The following KLF12 variants were observed in gnomAD, a reference collection of about 807,000 sequenced individuals.
KLF12 encodes the protein Krueppel-like factor 12.
In KLF12, 9 loss-of-function variants were observed where a neutral mutation model predicts 37.8. That is an observed-to-expected ratio of 0.24 (90% confidence interval 0.14 to 0.42). The LOEUF (loss-of-function observed/expected upper bound fraction) is 0.42. Among genes scored for constraint, KLF12 ranks in the 10% least tolerant of loss-of-function variants. The pLI is 1.00. For synonymous variants in KLF12, 208 were observed against 202.1 expected (o/e 1.03, Z -0.25); for missense variants, 411 against 516.0 (o/e 0.80, Z 1.97).
the KLF12 span, among the ~76,000 whole-genome samples, chr13:74,221,956 C>T: frequency 1.3e-5 from 2 of 152,180 alleles, no homozygotes; most frequent in Admixed American, 1.3e-4. Flanking sequence ...GGCAATTTAT[C>T]TTTGCTCAAT....
intron 5 of KLF12, among the ~76,000 whole-genome samples, chr13:73,766,289 C>T (rs1230367260): frequency 6.6e-6 from 1 of 152,112 alleles, no homozygotes; most frequent in Non-Finnish European, 1.5e-5. Context: ...ACAAGGATCA[C>T]CTGTTGGTCT....
intron 1 of KLF12, among the ~76,000 whole-genome samples, chr13:74,092,057 AGGCG>A (rs1277504025): frequency 7.2e-5 from 11 of 151,782 alleles, no homozygotes; most frequent in Non-Finnish European, 1.5e-4. Flanking sequence ...TGGGAGGCTG[AGGCG>A]GGCAGATCAC....
At chr13:73,769,677 T>C (rs1880145922) in intron 5 of KLF12, among the ~76,000 whole-genome samples, 1 of 152,162 alleles carries the variant, frequency 6.6e-6, no homozygotes, top group Non-Finnish European at 1.5e-5. Flanking sequence ...GGTTTCTTAA[T>C]ATCAACCTTT....
chr13:74,100,889 G>A (rs1876302297), intron 1 of KLF12, among the ~76,000 whole-genome samples: 1 of 152,044 alleles, frequency 6.6e-6, no homozygotes, highest in Non-Finnish European at 1.5e-5. Context: ...CCATGGAGGG[G>A]ATCTCTCTGA....
intron 3 of KLF12, among the ~76,000 whole-genome samples, chr13:73,943,435 T>C (rs753568059): frequency 6.6e-6 from 1 of 152,244 alleles, no homozygotes; most frequent in Non-Finnish European, 1.5e-5. Flanking sequence ...AATGAATTCA[T>C]TGGTTTGGCT....
chr13:74,162,806 T>C, the KLF12 span, among the ~76,000 whole-genome samples: 5 of 152,126 alleles, frequency 3.3e-5, no homozygotes, highest in African/African-American at 1.2e-4. Flanking sequence ...CAGCCGGAGA[T>C]ATGGAATAAA....
rs564888799 is a variant in KLF12, at chr13:74,064,715, G to A, written c.-32+69024C>T. Among the ~76,000 whole-genome samples, 6 of 152,220 alleles carry A rather than the reference G, an allele frequency of 3.9e-5. No homozygotes were observed. In the South Asian group the frequency reaches 1.2e-3, roughly 32 times the overall value. On this transcript the variant is annotated intron_variant, in intron 1 of 7. Transcript: ENST00000377669. ...AATAATTCACAGAGGAATGAAATAGGCTGAGTAGTTTGTGATGCTGACTGT... is the reference window on the plus strand; with the variant it reads ...AATAATTCACAGAGGAATGAAATAGACTGAGTAGTTTGTGATGCTGACTGT...
chr13:74,116,080 TATAG>T (rs1225899917), intron 1 of KLF12, among the ~76,000 whole-genome samples: 1 of 152,130 alleles, frequency 6.6e-6, no homozygotes, highest in African/African-American at 2.4e-5. Flanking sequence ...GAAATAAACT[TATAG>T]ATAAACCCAA....
chr13:73,985,325 C>T (rs868560153), intron 2 of KLF12, among the ~76,000 whole-genome samples: 12 of 152,178 alleles, frequency 7.9e-5, no homozygotes, highest in African/African-American at 2.9e-4. Context: ...ATGATGAAAT[C>T]GTGGTTGTCA....
intron 5 of KLF12, among the ~76,000 whole-genome samples, chr13:73,770,697 A>AT (rs978802420): frequency 5.1e-4 from 78 of 151,768 alleles, no homozygotes; most frequent in Non-Finnish European, 7.4e-5. Context: ...TAATTTTTGT[A>AT]TTTTTAGTAG....
intron 2 of KLF12, among the ~76,000 whole-genome samples, chr13:73,968,495 A>C (rs1386520123): frequency 6.6e-6 from 1 of 152,184 alleles, no homozygotes; most frequent in Admixed American, 6.5e-5. Flanking sequence ...ATTTGATAAT[A>C]GCTTTATTTC....
At chr13:74,249,143 C>G in the KLF12 span, among the ~76,000 whole-genome samples, 2 of 151,782 alleles carry the variant, frequency 1.3e-5, no homozygotes, top group Non-Finnish European at 2.9e-5. Flanking sequence ...CTTCTTCTTT[C>G]TCTGCCTCAA....
chr13:74,223,275 G>A, the KLF12 span, among the ~76,000 whole-genome samples: 4 of 152,204 alleles, frequency 2.6e-5, no homozygotes, highest in Admixed American at 1.3e-4. Flanking sequence ...ATTGCAGAGC[G>A]TGACTTTGTA....
At chr13:73,975,146 C>T (rs1891473370) in intron 2 of KLF12, among the ~76,000 whole-genome samples, 1 of 152,244 alleles carries the variant, frequency 6.6e-6, no homozygotes, top group East Asian at 1.9e-4. Context: ...TCAAAAGTAA[C>T]TTTTTTTGTT....
intron 5 of KLF12, among the ~76,000 whole-genome samples, chr13:73,804,122 C>T (rs1014025962): frequency 1.6e-4 from 24 of 152,190 alleles, no homozygotes; most frequent in African/African-American, 5.8e-4. Context: ...CACTTGTGCA[C>T]CAGTCATTAT....
At chr13:73,769,453 C>G (rs1218210381) in intron 5 of KLF12, among the ~76,000 whole-genome samples, 1 of 152,180 alleles carries the variant, frequency 6.6e-6, no homozygotes, top group Non-Finnish European at 1.5e-5. Flanking sequence ...TTTCTTTCTC[C>G]TTTGCTTGAA....
At chr13:73,879,328 C>T (rs80074132) in intron 3 of KLF12, among the ~76,000 whole-genome samples, 2,740 of 152,286 alleles carry the variant, frequency 0.018, 101 homozygotes, top group Admixed American at 0.088. Flanking sequence ...TTTGGTGAAG[C>T]CTTCCTTTAT....
chr13:73,908,550 G>A (rs1037701483), intron 3 of KLF12, among the ~76,000 whole-genome samples: 21 of 147,860 alleles, frequency 1.4e-4, no homozygotes, highest in African/African-American at 4.0e-4. Flanking sequence ...GCATGATCTC[G>A]GCTCACTGCA....
chr13:74,268,356 T>C, the KLF12 span, among the ~76,000 whole-genome samples: 1 of 152,308 alleles, frequency 6.6e-6, no homozygotes, highest in Non-Finnish European at 1.5e-5. Context: ...ATTTGTTTTT[T>C]CTGCCTATTA....
Sources: gnomAD v4.1 joint callset for allele counts (sites outside exome capture counted in the v4.1 genomes callset) on GRCh38, gnomAD v4.1.1 for gene constraint, MANE v1.5 for transcripts, NCBI Gene and HGNC (gene_info 2026-07-23, HGNC 2026-07-21) for gene names.